The following TMEM87B variants were observed in gnomAD, a reference collection of about 807,000 sequenced individuals.
TMEM87B encodes transmembrane protein 87B.
A neutral mutation model predicts 80.3 loss-of-function variants in TMEM87B; 83 were observed. The observed-to-expected ratio is 1.03, with a 90% CI of 0.87 to 1.24. The LOEUF (loss-of-function observed/expected upper bound fraction) is 1.24. Among genes scored for constraint, TMEM87B ranks in the 50% most tolerant of loss-of-function variants. TMEM87B has a pLI of 0.00. For missense variants in TMEM87B, 625 were observed against 674.4 expected, an observed-to-expected ratio of 0.93 and a Z score of 0.81; for synonymous variants, 219 against 230.5, an observed-to-expected ratio of 0.95 and a Z score of 0.45.
chr2:112,085,208 T>G (rs1003060230), intron 8 of TMEM87B, among the ~76,000 whole-genome samples: 7 of 152,254 alleles, frequency 4.6e-5, no homozygotes, highest in African/African-American at 1.7e-4. Flanking sequence ...GGTCCCTGCC[T>G]TTATGACCAG....
intron 17 of TMEM87B, among the ~76,000 whole-genome samples, chr2:112,110,459 A>C (rs1051007422): frequency 1.3e-5 from 2 of 152,074 alleles, no homozygotes; most frequent in Admixed American, 1.3e-4. Flanking sequence ...ATTGTATTTA[A>C]TTTGGAGTAT....
intron 1 of TMEM87B, among the ~76,000 whole-genome samples, chr2:112,059,668 A>G (rs1678185724): frequency 6.6e-6 from 1 of 152,220 alleles, no homozygotes; most frequent in Admixed American, 6.5e-5. Flanking sequence ...AGCAACATGC[A>G]AATGCAGTCA....
intron 1 of TMEM87B, 35 bp downstream of exon 1, chr2:112,055,791 C>T (rs565853159): frequency 4.8e-6 from 7 of 1,450,336 alleles, no homozygotes; most frequent in Non-Finnish European, 5.4e-6. Flanking sequence ...CGTGGCACGT[C>T]TCGGGCCGTC....
intron 18 of TMEM87B, among the ~76,000 whole-genome samples, chr2:112,113,418 A>T (rs1378550495): frequency 6.6e-6 from 1 of 152,250 alleles, no homozygotes. Context: ...ACGGAACATT[A>T]ACTTTCAAAA....
chr2:112,055,847 C>A, intron 1 of TMEM87B, 91 bp downstream of exon 1: 1 of 1,392,410 alleles, frequency 7.2e-7, no homozygotes, highest in Non-Finnish European at 9.4e-7. Context: ...GTTCACCCTG[C>A]CTCTGCCGGG....
At chr2:112,076,842 T>TGTGTGTGTG (rs1678831446) in intron 5 of TMEM87B, among the ~76,000 whole-genome samples, 1 of 139,188 alleles carries the variant, frequency 7.2e-6, no homozygotes, top group Non-Finnish European at 1.5e-5. Context: ...CTTTTCTGTT[T>TGTGTGTGTG]TGTGTGTGTG....
chr2:112,109,982 C>T (rs113939213), intron 17 of TMEM87B, among the ~76,000 whole-genome samples: 8,028 of 151,630 alleles, frequency 0.053, 389 homozygotes, highest in African/African-American at 0.13. Flanking sequence ...GCCAGGCTGG[C>T]CTCGAACTCC....
Position 112,055,333 on chromosome 2 carries a change from G to A in TMEM87B, c.-259G>A. On this transcript the variant is annotated 5_prime_UTR_variant, in exon 1 of 19. Coordinates refer to ENST00000283206, the MANE Select transcript of TMEM87B (RefSeq NM_032824.3). ...GTCTCGCCGCCAACTCCACATCCTG[G>A]CTCCTATCTCTGCCTTCCAGGCATC... 1 of 496,864 alleles carries A rather than the reference G, an allele frequency of 2.0e-6. No individual in the cohort carries two copies. The highest frequency in any genetic ancestry group is 4.3e-5 in the Admixed American group (1 of 23,266). The allele number at this position is 496,864 out of a possible 1,614,324, so 30.8% of individuals were successfully genotyped here. A position where few individuals can be genotyped will look rare whatever the true frequency, so the allele number is the denominator to read the frequency against.
At position 112,107,786 on chromosome 2, in the gene TMEM87B, A is replaced by G; in HGVS notation, c.1525-2A>G. ...AAATGCTAAGTATAAATATTTCTAC[A>G]GGATGAAGATTTGAAGTGGGTAGAA... On this transcript the variant is annotated splice_acceptor_variant, in intron 16 of 18. Transcript: ENST00000283206. LOFTEE classifies it high-confidence loss of function. 6.4e-7 allele frequency: 1 copy of G among 1,567,304 alleles called. No homozygotes were observed. Among genetic ancestry groups the G allele is most frequent in the Non-Finnish European group, 8.7e-7 (1 of 1,146,840 alleles).
intron 11 of TMEM87B, among the ~76,000 whole-genome samples, chr2:112,094,306 C>T (rs1418171691): frequency 9.2e-5 from 14 of 152,016 alleles, no homozygotes; most frequent in African/African-American, 2.9e-4. Context: ...GGACTACAGG[C>T]GTGCGCCACC....
Position 112,116,501 on chromosome 2 carries a change from C to G in TMEM87B, c.*358C>G, listed in dbSNP as rs1351823191. 5.9e-6 allele frequency: 1 copy of G among 168,960 alleles called. No homozygotes were observed. The highest frequency in any genetic ancestry group is 2.4e-5 in the African/African-American group (1 of 41,842). 10.5% of individuals were successfully genotyped at this position (168,960 alleles called of 1,614,324 possible). The stretch of plus-strand genomic sequence containing the variant: ...AAAGAAAAATGTTTTTTAATAAATA[C>G]CCTTGGTCTTTCTTCTAGTCACCTT... On this transcript the variant is annotated 3_prime_UTR_variant, in exon 19 of 19. Coordinates refer to ENST00000283206, the MANE Select transcript of TMEM87B (RefSeq NM_032824.3).
intron 14 of TMEM87B, among the ~76,000 whole-genome samples, chr2:112,099,555 T>TATATATATATATATATATATATATATAC (rs1019425429): frequency 5.4e-5 from 4 of 73,554 alleles, no homozygotes; most frequent in African/African-American, 2.0e-4. Flanking sequence ...TATATATATA[T>TATATATATATATATATATATATATATAC]ACACACACAC....
chr2:112,062,976 T>C (rs148136383), intron 2 of TMEM87B, among the ~76,000 whole-genome samples: 26 of 152,324 alleles, frequency 1.7e-4, no homozygotes, highest in African/African-American at 6.3e-4. Flanking sequence ...CAGATTTCTC[T>C]TTCTCTTTAT....
intron 4 of TMEM87B, among the ~76,000 whole-genome samples, chr2:112,067,743 C>G (rs1678479866): frequency 1.3e-5 from 2 of 152,224 alleles, no homozygotes; most frequent in Non-Finnish European, 2.9e-5. Context: ...CCTTTGCATC[C>G]ATCATCCCAT....
At chr2:112,087,557 C>T (rs762604423) in intron 9 of TMEM87B, among the ~76,000 whole-genome samples, 2 of 152,116 alleles carry the variant, frequency 1.3e-5, no homozygotes, top group Non-Finnish European at 2.9e-5. Context: ...TTGATAGTCA[C>T]GGGCCACCCC....
At chr2:112,101,565 T>C (rs1476889709) in intron 15 of TMEM87B, among the ~76,000 whole-genome samples, 1 of 152,208 alleles carries the variant, frequency 6.6e-6, no homozygotes, top group Non-Finnish European at 1.5e-5. Context: ...ACTGTTAACA[T>C]AGTTATCACA....
At chr2:112,062,714 C>T (rs2104455174) in intron 2 of TMEM87B, among the ~76,000 whole-genome samples, 1 of 152,294 alleles carries the variant, frequency 6.6e-6, no homozygotes, top group South Asian at 2.1e-4. Flanking sequence ...TTGATGCTTT[C>T]CAGTTTTCTT....
intron 3 of TMEM87B, among the ~76,000 whole-genome samples, chr2:112,065,845 G>C (rs1343301279): frequency 1.3e-5 from 2 of 152,022 alleles, no homozygotes; most frequent in African/African-American, 4.8e-5. Flanking sequence ...GGCATTGATA[G>C]TTTTGAAGTG....
intron 9 of TMEM87B, among the ~76,000 whole-genome samples, chr2:112,088,535 T>C (rs1271862675): frequency 2.0e-5 from 3 of 152,222 alleles, no homozygotes; most frequent in African/African-American, 2.4e-5. Flanking sequence ...TTTTTACTTA[T>C]ATTTTGTTTT....
Sources: gnomAD v4.1 joint callset for allele counts (sites outside exome capture counted in the v4.1 genomes callset) on GRCh38, gnomAD v4.1.1 for gene constraint, MANE v1.5 for transcripts, NCBI Gene and HGNC (gene_info 2026-07-23, HGNC 2026-07-21) for gene names.